The following ZDBF2 variants were observed in gnomAD, a reference collection of about 807,000 sequenced individuals.
ZDBF2 encodes zinc finger DBF-type containing 2.
Under a neutral mutation model 9.4 loss-of-function variants are expected in ZDBF2, and 6 were observed. That is an observed-to-expected ratio of 0.64 (90% CI 0.35 to 1.27). The LOEUF is 1.27. Among genes scored for constraint, ZDBF2 ranks in the 50% most tolerant of loss-of-function variants. The pLI is 0.03. For missense variants in ZDBF2, 2,697 were observed against 2,766.8 expected, an observed-to-expected ratio of 0.97 and a Z score of 0.57; for synonymous variants, 905 against 946.3, an observed-to-expected ratio of 0.96 and a Z score of 0.80.
Position 206,311,301 on chromosome 2 carries a change from G to A in ZDBF2, c.6773G>A (p.Arg2258Lys). The A allele has an allele frequency of 6.2e-7, 1 of 1,605,756 alleles. No individual in the cohort carries two copies. The highest frequency in any genetic ancestry group is 8.5e-7 in the Non-Finnish European group (1 of 1,175,474). The part of the protein sequence containing the change: ...YLKKKKSVVS[R>K]LKKAKRTAKV... Reference sequence around the variant, plus strand: ...AAGAAGAAAAAATCTGTTGTCAGTAGGCTAAAGAAGGCGAAGAGAACAGCT... The same window carrying A: ...AAGAAGAAAAAATCTGTTGTCAGTAAGCTAAAGAAGGCGAAGAGAACAGCT... Residue 2258 changes from arginine to lysine, a missense_variant, in exon 5 of 5, where the codon AGG becomes AAG. By Grantham distance (26) the Arg-to-Lys change is conservative. Transcript: ENST00000374423.
Position 206,307,434 on chromosome 2 carries a change from A to G in ZDBF2, c.2906A>G (p.His969Arg). 1 of 1,612,110 alleles carries G rather than the reference A, an allele frequency of 6.2e-7. No homozygotes were observed. Among genetic ancestry groups the G allele is most frequent in the Non-Finnish European group, 8.5e-7 (1 of 1,179,398 alleles). ...GATGTCCCTCTTCAGGCAGCGACTC[A>G]CAAACCTGAAGTAATTGTCAAAGAA... ...DSDVPLQAAT[H>R]KPEVIVKETW... Residue 969 changes from histidine to arginine, a missense_variant, in exon 5 of 5, where the codon CAC (histidine) becomes CGC (arginine). Around this residue, in one of 3 missense-constraint regions of ZDBF2, gnomAD observed 1,783 missense variants for 1,776.5 expected, o/e 1.00. Transcript: ENST00000374423.
intron 1 of ZDBF2, 107 bp downstream of exon 1, chr2:206,275,053 C>T (rs930937337): frequency 5.3e-5 from 8 of 151,666 alleles, no homozygotes; most frequent in African/African-American, 1.5e-4. Context: ...CAGGACCGCT[C>T]GCTGGGCTCC....
At chr2:206,289,361 T>C (rs1378043945) in intron 3 of ZDBF2, among the ~76,000 whole-genome samples, 1 of 152,142 alleles carries the variant, frequency 6.6e-6, no homozygotes, top group Non-Finnish European at 1.5e-5. Context: ...TACTTCAACC[T>C]AGGCACTGGG....
At position 206,313,047 on chromosome 2, in the gene ZDBF2, G is replaced by T. The variant is rs1210273267; in HGVS notation, c.*1454G>T. ...TTGTCATTCATTCGTGTTAAGCCAA[G>T]ATCCTGGATCTTCTATCATTAATGT... On this transcript the variant is annotated 3_prime_UTR_variant, in exon 5 of 5. Transcript: ENST00000374423. The T allele has an allele frequency of 6.6e-6, 1 of 152,156 alleles. No individual in the cohort carries two copies. The highest frequency in any genetic ancestry group is 1.5e-5 in the Non-Finnish European group (1 of 68,032). The allele number at this position is 152,156 out of a possible 1,614,324, so 9.4% of individuals were successfully genotyped here.
Position 206,309,038 on chromosome 2 carries a change from G to A in ZDBF2, c.4510G>A (p.Val1504Ile). Residue 1504 changes from valine to isoleucine, a missense_variant, in exon 5 of 5, where the codon GTT becomes ATT. Val to Ile is a conservative substitution (Grantham distance 29, BLOSUM62 3). Transcript: ENST00000374423. ...SDSEMMYDSD[V>I]PFQIVVNQFP... Reference sequence around the variant, plus strand: ...TTCAGAAATGATGTATGATTCTGATGTTCCTTTTCAAATAGTAGTTAACCA... The same window carrying A: ...TTCAGAAATGATGTATGATTCTGATATTCCTTTTCAAATAGTAGTTAACCA... 1 of 1,613,888 alleles carries A rather than the reference G, an allele frequency of 6.2e-7. No homozygotes were observed. Among genetic ancestry groups the A allele is most frequent in the Non-Finnish European group, 8.5e-7 (1 of 1,179,868 alleles).
At chr2:206,278,765 C>T (rs1044863547) in intron 1 of ZDBF2, among the ~76,000 whole-genome samples, 1 of 152,202 alleles carries the variant, frequency 6.6e-6, no homozygotes, top group Non-Finnish European at 1.5e-5. Flanking sequence ...CATCCCTCGC[C>T]GCTCTAGCTA....
Position 206,314,263 on chromosome 2 carries a change from CTTTTTTT to C in ZDBF2, c.*2681_*2687del, listed in dbSNP as rs777695404. On this transcript the variant is annotated 3_prime_UTR_variant, in exon 5 of 5. Transcript: ENST00000374423. ...TATGTAACTAGGGCTGTGAGTAACACTTTTTTTTTTTTTTTTTGGTTAAAGAAAAGCT... is the reference window on the plus strand; with the variant it reads ...TATGTAACTAGGGCTGTGAGTAACACTTTTTTTTTTGGTTAAAGAAAAGCT... 1 of 129,790 alleles carries C rather than the reference CTTTTTTT, an allele frequency of 7.7e-6. No individual in the cohort carries two copies. The highest frequency in any genetic ancestry group is 2.9e-5 in the African/African-American group (1 of 34,728). 8.0% of individuals were successfully genotyped at this position (129,790 alleles called of 1,614,324 possible).
intron 3 of ZDBF2, among the ~76,000 whole-genome samples, chr2:206,282,718 A>C (rs1309001487): frequency 2.0e-5 from 3 of 152,174 alleles, no homozygotes; most frequent in Non-Finnish European, 4.4e-5. Context: ...TGTTATTGTG[A>C]TATAACTCAT....
At position 206,311,195 on chromosome 2, in the gene ZDBF2, A is replaced by G. The variant is rs1693163583; in HGVS notation, c.6667A>G (p.Ile2223Val). Residue 2223 changes from isoleucine to valine, a missense_variant, in exon 5 of 5, where the codon ATT becomes GTT. Physicochemically the swap from Ile to Val is conservative, Grantham distance 29 (BLOSUM62 3). Coordinates refer to ENST00000374423, the MANE Select transcript of ZDBF2 (RefSeq NM_020923.3). ...IWIRTKPSDI[I>V]RKYISKYSVF... ...GATTCGGACCAAACCAAGTGATATC[A>G]TTAGAAAGTATATTTCGAAATACTC... is the stretch of plus-strand genomic sequence containing the variant. 2 of 1,612,712 alleles carry G rather than the reference A, an allele frequency of 1.2e-6. No homozygotes were observed. Among genetic ancestry groups the G allele is most frequent in the South Asian group, 1.1e-5 (1 of 90,678 alleles).
chr2:206,298,815 C>T (rs1279017485), intron 4 of ZDBF2, among the ~76,000 whole-genome samples: 2 of 152,036 alleles, frequency 1.3e-5, no homozygotes, highest in Admixed American at 6.6e-5. Flanking sequence ...AATGAGTCAC[C>T]GTGCCCAGCT....
Position 206,307,377 on chromosome 2 carries a change from A to G in ZDBF2, c.2849A>G (p.Asn950Ser), listed in dbSNP as rs907505427. ...ACAAAAGAGCACATGTACTTAGAAA[A>G]TAAGAGTGTTTTTGAAACAAGTTTG... ...LHTKEHMYLE[N>S]KSVFETSLDS... The change falls in exon 5 of 5, where the codon AAT becomes AGT. Residue 950 changes from asparagine to serine, a missense_variant. Around this residue, in one of 3 missense-constraint regions of ZDBF2, gnomAD observed 1,783 missense variants for 1,776.5 expected, o/e 1.00. Coordinates refer to ENST00000374423, the MANE Select transcript of ZDBF2 (RefSeq NM_020923.3). 3.7e-6 allele frequency: 6 copies of G among 1,613,178 alleles called. No individual in the cohort carries two copies. The Admixed American group carries it at 8.3e-5, about 22-fold the overall frequency.
intron 3 of ZDBF2, among the ~76,000 whole-genome samples, chr2:206,296,356 C>G (rs1692177912): frequency 6.6e-6 from 1 of 152,234 alleles, no homozygotes; most frequent in Non-Finnish European, 1.5e-5. Flanking sequence ...CCATTAGTCA[C>G]TCAGTAGCTG....
intron 4 of ZDBF2, among the ~76,000 whole-genome samples, chr2:206,300,768 A>G (rs959208460): frequency 4.6e-5 from 7 of 152,184 alleles, no homozygotes; most frequent in African/African-American, 2.4e-5. Context: ...AAATTCTACC[A>G]TAAAGGAGAT....
Position 206,297,369 on chromosome 2 carries a change from A to G in ZDBF2, c.184A>G (p.Ser62Gly), listed in dbSNP as rs1476227939. The G allele has an allele frequency of 6.2e-7, 1 of 1,612,182 alleles. No individual in the cohort carries two copies. The highest frequency in any genetic ancestry group is 2.2e-5 in the East Asian group (1 of 44,792). Residue 62 changes from serine (S) to glycine (G), a missense_variant, in exon 4 of 5, where the codon AGC becomes GGC. Physicochemically the swap from Ser to Gly is moderately conservative, Grantham distance 56. Coordinates refer to ENST00000374423, the MANE Select transcript of ZDBF2 (RefSeq NM_020923.3). The part of the protein sequence containing the change: ...LQHHPYHCQE[S>G]SSTQDETHVN... Reference sequence around the variant, plus strand: ...GCACCACCCATATCATTGTCAAGAGAGCAGGTAAAGTAGTTGATTGGAATA... The same window carrying G: ...GCACCACCCATATCATTGTCAAGAGGGCAGGTAAAGTAGTTGATTGGAATA...
In ZDBF2 at chr2:206,306,738, A is replaced by T. The variant is rs371303388; in HGVS notation, c.2210A>T (p.Asp737Val). The change falls in exon 5 of 5, where the codon GAC (aspartate) becomes GTC (valine). Residue 737 changes from aspartate to valine, a missense_variant. Around this residue, in one of 3 missense-constraint regions of ZDBF2, gnomAD observed 910 missense variants for 973.6 expected, o/e 0.93. Transcript: ENST00000374423. Reference sequence around the variant, plus strand: ...GTAAATCTTAAAGAGTTAAATATTGACATGGAAGTTAGGAGCTATGATTGC... The same window carrying T: ...GTAAATCTTAAAGAGTTAAATATTGTCATGGAAGTTAGGAGCTATGATTGC... Reference protein sequence around the residue: ...DEVNLKELNIDMEVRSYDCSS... With the variant: ...DEVNLKELNIVMEVRSYDCSS... 1 of 1,613,822 alleles carries T rather than the reference A, an allele frequency of 6.2e-7. No individual in the cohort carries two copies. Among genetic ancestry groups the T allele is most frequent in the Non-Finnish European group, 8.5e-7 (1 of 1,179,788 alleles).
intron 3 of ZDBF2, among the ~76,000 whole-genome samples, chr2:206,287,236 C>T (rs1400813802): frequency 6.6e-6 from 1 of 152,140 alleles, no homozygotes. Context: ...TGTAGGACTC[C>T]TTTGAGCATT....
At position 206,309,054 on chromosome 2, in the gene ZDBF2, T is replaced by C. The variant is rs1260720725; in HGVS notation, c.4526T>C (p.Val1509Ala). The C allele has an allele frequency of 6.2e-7, 1 of 1,613,860 alleles. No homozygotes were observed. The highest frequency in any genetic ancestry group is 1.7e-5 in the Admixed American group (1 of 60,010). ...MYDSDVPFQI[V>A]VNQFPGSVKE... ...GATTCTGATGTTCCTTTTCAAATAG[T>C]AGTTAACCAATTTCCAGGATCAGTC... is the stretch of plus-strand genomic sequence containing the variant. Residue 1509 changes from valine to alanine, a missense_variant, in exon 5 of 5, where the codon GTA becomes GCA. Physicochemically the swap from Val to Ala is moderately conservative, Grantham distance 64. Around this residue, in one of 3 missense-constraint regions of ZDBF2, gnomAD observed 1,783 missense variants for 1,776.5 expected, o/e 1.00. Transcript: ENST00000374423.
At position 206,311,694 on chromosome 2, in the gene ZDBF2, A is replaced by G. The variant is rs183958198; in HGVS notation, c.*101A>G. On this transcript the variant is annotated 3_prime_UTR_variant, in exon 5 of 5. Coordinates refer to ENST00000374423, the MANE Select transcript of ZDBF2 (RefSeq NM_020923.3). Reference sequence around the variant, plus strand: ...CTTTCCCAGCTTTGGTGAGAAAACTAATCTTGAACTATTTTGCTATAAATA... The same window carrying G: ...CTTTCCCAGCTTTGGTGAGAAAACTGATCTTGAACTATTTTGCTATAAATA... 1,621 of 1,152,290 alleles carry G rather than the reference A, an allele frequency of 1.4e-3. 2 individuals are homozygous for G. Among genetic ancestry groups the G allele is most frequent in the Non-Finnish European group, 1.5e-3 (1,363 of 886,418 alleles). The allele number at this position is 1,152,290 out of a possible 1,614,324, so 71.4% of individuals were successfully genotyped here.
rs1277370156 is a variant in ZDBF2, at chr2:206,312,251, AT to A, written c.*662del. On this transcript the variant is annotated 3_prime_UTR_variant, in exon 5 of 5. Transcript: ENST00000374423. The stretch of plus-strand genomic sequence containing the variant: ...TTATTAGATCTTAAAGGGGAAAATA[AT>A]TTTGCCCATGTGTTTAGGCATTCCC... The A allele has an allele frequency of 6.6e-6, 1 of 152,012 alleles. No individual in the cohort carries two copies. Among genetic ancestry groups the A allele is most frequent in the African/African-American group, 2.4e-5 (1 of 41,374 alleles). 9.4% of individuals were successfully genotyped at this position (152,012 alleles called of 1,614,324 possible). A position where few individuals can be genotyped will look rare whatever the true frequency, so the allele number is the denominator to read the frequency against.
Sources: allele counts gnomAD v4.1 joint callset (sites outside exome capture counted in the v4.1 genomes callset), GRCh38; gene constraint gnomAD v4.1.1; regional missense constraint gnomAD v4.1.1; transcripts MANE v1.5; gene names NCBI Gene and HGNC (gene_info 2026-07-23, HGNC 2026-07-21).